The following SUCLG2 variants were observed in gnomAD, a reference collection of about 807,000 sequenced individuals.
The protein encoded by SUCLG2 is succinate--CoA ligase [GDP-forming] subunit beta, mitochondrial.
Under a neutral mutation model 47.9 loss-of-function variants are expected in SUCLG2, and 42 were observed. That is an observed-to-expected ratio of 0.88 (90% CI 0.69 to 1.14). The LOEUF (loss-of-function observed/expected upper bound fraction) is 1.14. Among genes scored for constraint, SUCLG2 ranks in the 50% most tolerant of loss-of-function variants. The pLI is 0.00. For synonymous variants in SUCLG2, 195 were observed against 197.3 expected, an observed-to-expected ratio of 0.99 and a Z score of 0.10; for missense variants, 571 against 525.9, an observed-to-expected ratio of 1.09 and a Z score of -0.84.
At chr3:67,650,425 C>A (rs1224895387) in intron 1 of SUCLG2, among the ~76,000 whole-genome samples, 1 of 152,206 alleles carries the variant, frequency 6.6e-6, no homozygotes, top group African/African-American at 2.4e-5. Flanking sequence ...TGGACAGAAG[C>A]TCTGGGCTGC....
At chr3:67,485,081 GA>G (rs1391609846) in intron 9 of SUCLG2, among the ~76,000 whole-genome samples, 1 of 152,194 alleles carries the variant, frequency 6.6e-6, no homozygotes, top group African/African-American at 2.4e-5. Flanking sequence ...GAAAAACTCG[GA>G]AGGTGCATTC....
chr3:67,626,453 T>TA (rs1344453385), intron 1 of SUCLG2, among the ~76,000 whole-genome samples: 1 of 151,998 alleles, frequency 6.6e-6, no homozygotes, highest in African/African-American at 2.4e-5. Flanking sequence ...CTCAGGGGAC[T>TA]ACTAACAGGA....
intron 9 of SUCLG2, among the ~76,000 whole-genome samples, chr3:67,453,659 A>T (rs1704110037): frequency 6.6e-6 from 1 of 152,250 alleles, no homozygotes; most frequent in Non-Finnish European, 1.5e-5. Context: ...CTTACTGGTT[A>T]CCAGGCTACA....
At chr3:67,384,739 G>A (rs536305495) in intron 10 of SUCLG2, among the ~76,000 whole-genome samples, 1 of 152,146 alleles carries the variant, frequency 6.6e-6, no homozygotes, top group Non-Finnish European at 1.5e-5. Flanking sequence ...ATATTGGCTC[G>A]AATTTCCACT....
downstream of SUCLG2, among the ~76,000 whole-genome samples, chr3:67,372,835 A>G (rs531125062): frequency 1.8e-4 from 28 of 152,226 alleles, no homozygotes; most frequent in South Asian, 4.1e-4. Context: ...TTTTTTATTT[A>G]TCTAGAGCTG....
At chr3:67,487,852 T>G (rs1048791910) in intron 9 of SUCLG2, among the ~76,000 whole-genome samples, 2 of 152,134 alleles carry the variant, frequency 1.3e-5, no homozygotes, top group African/African-American at 4.8e-5. Context: ...ATATGAATAA[T>G]CCCAGCTTTA....
intron 2 of SUCLG2, among the ~76,000 whole-genome samples, chr3:67,608,720 C>G (rs1490269667): frequency 3.3e-5 from 5 of 151,428 alleles, no homozygotes; most frequent in African/African-American, 1.2e-4. Context: ...CTCTGGCGCC[C>G]AGGCTAGAGT....
intron 2 of SUCLG2, among the ~76,000 whole-genome samples, chr3:67,553,307 A>G (rs1252727505): frequency 6.6e-6 from 1 of 152,232 alleles, no homozygotes; most frequent in Non-Finnish European, 1.5e-5. Flanking sequence ...CCCTTTGTCC[A>G]TGGTGGCTTT....
intron 9 of SUCLG2, among the ~76,000 whole-genome samples, chr3:67,407,541 T>C (rs1326191271): frequency 1.3e-5 from 2 of 152,182 alleles, no homozygotes; most frequent in Non-Finnish European, 2.9e-5. Flanking sequence ...AGTGAAAAAA[T>C]AGAAAACTTT....
At chr3:67,439,459 T>A (rs187413967) in intron 9 of SUCLG2, among the ~76,000 whole-genome samples, 43 of 152,344 alleles carry the variant, frequency 2.8e-4, no homozygotes, top group Non-Finnish European at 6.2e-4. Context: ...TGTTTGCATA[T>A]GACATGATTG....
At chr3:67,409,181 CTGG>C in intron 9 of SUCLG2, 1 of 857,654 alleles carries the variant, frequency 1.2e-6, no homozygotes, top group Non-Finnish European at 1.7e-6. Context: ...TTAGATGGGG[CTGG>C]GGAGGGGTCA....
At chr3:67,362,868 A>G (rs1019854641) in intron 10 of SUCLG2, among the ~76,000 whole-genome samples, 3 of 152,142 alleles carry the variant, frequency 2.0e-5, no homozygotes, top group Non-Finnish European at 4.4e-5. Flanking sequence ...AGATGCAGCT[A>G]TGGAGTAGTC....
chr3:67,486,923 G>C (rs1338624936), intron 9 of SUCLG2, among the ~76,000 whole-genome samples: 1 of 152,194 alleles, frequency 6.6e-6, no homozygotes, highest in African/African-American at 2.4e-5. Flanking sequence ...GACCTTGAAA[G>C]TGCTGTGGAA....
intron 6 of SUCLG2, chr3:67,514,418 T>C (rs1705885613): frequency 3.6e-6 from 1 of 277,110 alleles, no homozygotes; most frequent in South Asian, 4.2e-5. Flanking sequence ...AATATTTTTC[T>C]TGCATTCCAG....
At chr3:67,629,493 A>G (rs898434292) in intron 1 of SUCLG2, among the ~76,000 whole-genome samples, 1 of 151,866 alleles carries the variant, frequency 6.6e-6, no homozygotes, top group Non-Finnish European at 1.5e-5. Context: ...ATAGAACATG[A>G]TATGGGGGAG....
intron 9 of SUCLG2, among the ~76,000 whole-genome samples, chr3:67,434,142 T>C (rs1351012916): frequency 2.0e-5 from 3 of 152,164 alleles, no homozygotes; most frequent in Non-Finnish European, 4.4e-5. Flanking sequence ...AGAAATCTCT[T>C]TGAAAAGCAG....
intron 2 of SUCLG2, among the ~76,000 whole-genome samples, chr3:67,593,023 G>A (rs928268412): frequency 6.6e-5 from 10 of 152,116 alleles, no homozygotes; most frequent in African/African-American, 2.4e-4. Context: ...AATGACCTTT[G>A]TTAGTGACAA....
chr3:67,618,207 G>A (rs1700664953), intron 1 of SUCLG2, among the ~76,000 whole-genome samples: 1 of 152,126 alleles, frequency 6.6e-6, no homozygotes, highest in South Asian at 2.1e-4. Flanking sequence ...AGATCACAAG[G>A]TCAAGAGATT....
At position 67,506,017 on chromosome 3, in the gene SUCLG2, G is replaced by T. The variant is rs185423500; in HGVS notation, c.757+2790C>A. On this transcript the variant is annotated intron_variant, in intron 7 of 10. Transcript: ENST00000307227. ...GAAACAACAACAACAAAAAAGAGCT[G>T]GTACAATGTGATGCTGAGCTCCTTA... Among the ~76,000 whole-genome samples the T allele has an allele frequency of 3.6e-3, 552 of 151,754 alleles. 2 individuals carry two copies. The highest frequency in any genetic ancestry group is 0.013 in the African/African-American group (527 of 41,398).
Sources: allele counts gnomAD v4.1 joint callset (sites outside exome capture counted in the v4.1 genomes callset), GRCh38; gene constraint gnomAD v4.1.1; transcripts MANE v1.5; gene names NCBI Gene and HGNC (gene_info 2026-07-23, HGNC 2026-07-21).